Variants in KANSL1 observed in about 807,000 individuals in gnomAD.
The protein encoded by KANSL1 is MLL1/MLL complex subunit KANSL1.
Under a neutral mutation model 103.6 loss-of-function variants are expected in KANSL1, and 22 were observed. The observed-to-expected ratio is 0.21, with a 90% confidence interval of 0.15 to 0.30. The LOEUF (loss-of-function observed/expected upper bound fraction) is 0.30. Among genes scored for constraint, KANSL1 ranks in the 10% least tolerant of loss-of-function variants. The pLI is 1.00. For synonymous variants in KANSL1, 600 were observed against 527.6 expected, an observed-to-expected ratio of 1.14 and a Z score of -1.88; for missense variants, 1,337 against 1,399.8, an observed-to-expected ratio of 0.96 and a Z score of 0.72.
chr17:46,115,870 G>A (rs2043024177), intron 2 of KANSL1, among the ~76,000 whole-genome samples: 1 of 152,196 alleles, frequency 6.6e-6, no homozygotes, highest in Non-Finnish European at 1.5e-5. Flanking sequence ...CAGACATCAG[G>A]CAAATGCCAC....
At chr17:46,046,134 T>C (rs1372826245) in intron 7 of KANSL1, 1 of 152,188 alleles carries the variant, frequency 6.6e-6, no homozygotes, top group Admixed American at 6.5e-5. Flanking sequence ...TCAGATAATC[T>C]GGGTCTGAAC....
chr17:46,078,397 C>G (rs577002977), intron 4 of KANSL1, among the ~76,000 whole-genome samples: 1 of 152,328 alleles, frequency 6.6e-6, no homozygotes, highest in East Asian at 1.9e-4. Flanking sequence ...AAAATCTTCC[C>G]TAAACATGTG....
chr17:46,187,456 T>TTTTTAAAATAACATTTAGATAA (rs2047085581), intron 1 of KANSL1, among the ~76,000 whole-genome samples: 1 of 152,130 alleles, frequency 6.6e-6, no homozygotes, highest in Non-Finnish European at 1.5e-5. Flanking sequence ...AGAACCAGAG[T>TTTTTAAAATAACATTTAGATAA]TTTTAAAATA....
intron 2 of KANSL1, among the ~76,000 whole-genome samples, chr17:46,105,947 A>ACACACACACACCCC (rs1396276906): frequency 1.7e-5 from 1 of 57,864 alleles, no homozygotes; most frequent in Admixed American, 1.5e-4. Flanking sequence ...ACACACACAC[A>ACACACACACACCCC]CCCCCCCAGA....
rs34480982 is a variant in KANSL1 at position 46,112,368 on chromosome 17, CAAAAAAAAAAAAAA to C, written c.1290-17681_1290-17668del. Among the ~76,000 whole-genome samples the C allele has an allele frequency of 5.3e-4, 27 of 51,108 alleles. No individual in the cohort carries two copies. The Admixed American group carries it at 6.9e-3, about 13-fold the overall frequency. 33.5% of individuals were successfully genotyped at this position (51,108 alleles called of 152,430 possible). On this transcript the variant is annotated intron_variant, in intron 2 of 14. Coordinates refer to ENST00000432791, the MANE Select transcript of KANSL1 (RefSeq NM_015443.4). ...GGGTGAAAAGAGTGAAACTCTGTCT[CAAAAAAAAAAAAAA>C]AAAAAAAAAAAAAGAATCCAGACCG...
rs771914337 is a variant in KANSL1 at position 46,171,441 on chromosome 17, T to C, written c.703A>G (p.Asn235Asp). 1 of 1,614,090 alleles carries C rather than the reference T, an allele frequency of 6.2e-7. No individual in the cohort carries two copies. Among genetic ancestry groups the C allele is most frequent in the Non-Finnish European group, 8.5e-7 (1 of 1,180,000 alleles). ...NNSTANKSSV[N>D]SMEQPALQGS... ...TGAAGTGCCGGCTGTTCCATGGAAT[T>C]GACAGAGGATTTGTTTGCAGTGCTA... The change falls in exon 2 of 15, where the codon AAT (asparagine) becomes GAT (aspartate). Residue 235 changes from asparagine (N) to aspartate (D), a missense_variant. By Grantham distance (23) the Asn-to-Asp change is conservative. Around this residue, in one of 2 missense-constraint regions of KANSL1, gnomAD observed 557 missense variants for 476.4 expected, o/e 1.17. Transcript: ENST00000432791.
intron 1 of KANSL1, among the ~76,000 whole-genome samples, chr17:46,185,988 T>C (rs982414803): frequency 3.9e-4 from 60 of 152,250 alleles, no homozygotes; most frequent in African/African-American, 1.4e-3. Flanking sequence ...AAAAAAATCA[T>C]ACTTTTTATC....
intron 2 of KANSL1, among the ~76,000 whole-genome samples, chr17:46,098,491 T>C (rs1021236512): frequency 2.0e-5 from 3 of 152,262 alleles, no homozygotes; most frequent in Non-Finnish European, 4.4e-5. Flanking sequence ...GAAAATTACT[T>C]AAAACATTTT....
At chr17:46,141,464 C>T (rs773900791) in intron 2 of KANSL1, among the ~76,000 whole-genome samples, 1 of 152,202 alleles carries the variant, frequency 6.6e-6, no homozygotes, top group Non-Finnish European at 1.5e-5. Context: ...GCTTAAGGGT[C>T]TAAGACAAAT....
chr17:46,098,564 T>TACAC (rs2042176625), intron 2 of KANSL1, among the ~76,000 whole-genome samples: 1 of 152,382 alleles, frequency 6.6e-6, no homozygotes, highest in Non-Finnish European at 1.5e-5. Flanking sequence ...TTATGTCCCC[T>TACAC]ACACAGGTAT....
Position 46,058,737 on chromosome 17 carries a change from A to T in KANSL1, c.1848+7800T>A, listed in dbSNP as rs973980059. On this transcript the variant is annotated intron_variant, in intron 6 of 14. Coordinates refer to ENST00000432791, the MANE Select transcript of KANSL1 (RefSeq NM_015443.4). Reference sequence around the variant, plus strand: ...CACACACACACACACACACACACACACACACACTCTCTCTCTCTCTCTCTC... The same window carrying T: ...CACACACACACACACACACACACACTCACACACTCTCTCTCTCTCTCTCTC... Among the ~76,000 whole-genome samples, 24 of 72,318 alleles carry T rather than the reference A, an allele frequency of 3.3e-4. No individual in the cohort carries two copies. The East Asian group carries it at 3.8e-3, about 11-fold the overall frequency. The allele number at this position is 72,318 out of a possible 152,430, so 47.4% of individuals were successfully genotyped here.
At chr17:46,052,546 A>C (rs984228170) in intron 6 of KANSL1, among the ~76,000 whole-genome samples, 1 of 151,972 alleles carries the variant, frequency 6.6e-6, no homozygotes, top group African/African-American at 2.4e-5. Context: ...CAGAGGTTGC[A>C]GTGAGCTGAG....
chr17:46,216,771 AC>A (rs1327128454), intron 1 of KANSL1, among the ~76,000 whole-genome samples: 1 of 152,056 alleles, frequency 6.6e-6, no homozygotes, highest in Non-Finnish European at 1.5e-5. Context: ...AATGATATAC[AC>A]CTGTTCTGGG....
At chr17:46,103,019 G>A (rs960122969) in intron 2 of KANSL1, among the ~76,000 whole-genome samples, 33 of 152,182 alleles carry the variant, frequency 2.2e-4, no homozygotes, top group African/African-American at 8.0e-4. Flanking sequence ...AAGACATTAG[G>A]TGGAACTGTG....
chr17:46,143,826 AAAG>A (rs1349036870), intron 2 of KANSL1, among the ~76,000 whole-genome samples: 3 of 150,626 alleles, frequency 2.0e-5, no homozygotes, highest in Non-Finnish European at 1.5e-5. Context: ...AAAAAAAAAA[AAAG>A]AAGTTGTTAT....
chr17:46,054,298 C>T (rs1202723987), intron 6 of KANSL1, among the ~76,000 whole-genome samples: 2 of 152,208 alleles, frequency 1.3e-5, no homozygotes, highest in Non-Finnish European at 2.9e-5. Flanking sequence ...AGATGATCCA[C>T]CCGTATCAGC....
intron 2 of KANSL1, among the ~76,000 whole-genome samples, chr17:46,098,491 T>G (rs1021236512): frequency 1.3e-5 from 2 of 152,262 alleles, no homozygotes; most frequent in Non-Finnish European, 2.9e-5. Context: ...GAAAATTACT[T>G]AAAACATTTT....
intron 4 of KANSL1, among the ~76,000 whole-genome samples, chr17:46,076,657 C>T (rs1318331554): frequency 7.1e-6 from 1 of 140,464 alleles, no homozygotes; most frequent in East Asian, 1.9e-4. Flanking sequence ...TTGTGTCTAA[C>T]ATTGACTCTT....
intron 1 of KANSL1, among the ~76,000 whole-genome samples, chr17:46,181,548 A>G (rs2141300): frequency 0.15 from 21,950 of 151,316 alleles, 2,136 homozygotes; most frequent in Non-Finnish European, 0.22. Flanking sequence ...TCCTACCACA[A>G]CCTCCCGAGC....
Sources: allele counts gnomAD v4.1 joint callset (sites outside exome capture counted in the v4.1 genomes callset), GRCh38; gene constraint gnomAD v4.1.1; regional missense constraint gnomAD v4.1.1; transcripts MANE v1.5; gene names NCBI Gene and HGNC (gene_info 2026-07-23, HGNC 2026-07-21).